RBFOX1: variants seen among roughly 807,000 people sequenced by gnomAD.
RBFOX1 encodes the protein RNA binding protein fox-1 homolog 1.
RBFOX1 carries 8 observed loss-of-function variants against 57.7 expected under a neutral mutation model. The ratio of observed to expected loss-of-function variants is 0.14; its 90% CI spans 0.08 to 0.25. The LOEUF is 0.25. Among genes scored for constraint, RBFOX1 ranks in the 10% least tolerant of loss-of-function variants. RBFOX1 has a pLI of 1.00. For synonymous variants in RBFOX1, 326 were observed against 222.4 expected (o/e 1.47, Z -4.15); for missense variants, 611 against 548.5 (o/e 1.11, Z -1.14).
intron 1 of RBFOX1, among the ~76,000 whole-genome samples, chr16:6,251,073 T>G (rs2152945460): frequency 6.6e-6 from 1 of 152,258 alleles, no homozygotes; most frequent in Admixed American, 6.5e-5. Context: ...CAGTACCACT[T>G]AATGAGAGCT....
chr16:7,314,782 C>A (rs935062452), intron 4 of RBFOX1, among the ~76,000 whole-genome samples: 9 of 152,278 alleles, frequency 5.9e-5, no homozygotes, highest in South Asian at 2.1e-4. Flanking sequence ...ACCATTTGTT[C>A]ACGATAAGTC....
chr16:6,414,924 T>A (rs1312955672), intron 2 of RBFOX1, among the ~76,000 whole-genome samples: 1 of 152,030 alleles, frequency 6.6e-6, no homozygotes, highest in Non-Finnish European at 1.5e-5. Flanking sequence ...GAGCAAAGAA[T>A]GAACCGGTCC....
chr16:6,755,139 A>T (rs918959948), intron 3 of RBFOX1, among the ~76,000 whole-genome samples: 1 of 152,072 alleles, frequency 6.6e-6, no homozygotes, highest in South Asian at 2.1e-4. Flanking sequence ...AGTCTTTGCT[A>T]TTGGGGATAG....
chr16:6,936,291 G>T (rs537065219), intron 3 of RBFOX1, among the ~76,000 whole-genome samples: 23 of 152,182 alleles, frequency 1.5e-4, no homozygotes, highest in Non-Finnish European at 3.2e-4. Flanking sequence ...TCCGTTTTAT[G>T]CCGTTAAGTT....
intron 3 of RBFOX1, among the ~76,000 whole-genome samples, chr16:6,894,788 C>A (rs1413991005): frequency 6.6e-6 from 1 of 152,122 alleles, no homozygotes; most frequent in Non-Finnish European, 1.5e-5. Context: ...GCCATTTTCC[C>A]TGTGTTTGTA....
chr16:6,923,432 C>T (rs1240232177), intron 3 of RBFOX1, among the ~76,000 whole-genome samples: 2 of 152,090 alleles, frequency 1.3e-5, no homozygotes, highest in Admixed American at 1.3e-4. Flanking sequence ...ACTTGGAAGG[C>T]TGAGGAAGGA....
chr16:6,910,242 A>G (rs576181644), intron 3 of RBFOX1, among the ~76,000 whole-genome samples: 3 of 152,198 alleles, frequency 2.0e-5, no homozygotes, highest in Admixed American at 6.5e-5. Flanking sequence ...ATTACTTCAC[A>G]TTTGCAGTTC....
intron 4 of RBFOX1, among the ~76,000 whole-genome samples, chr16:7,307,807 T>C (rs1423506570): frequency 6.6e-6 from 1 of 152,192 alleles, no homozygotes; most frequent in Non-Finnish European, 1.5e-5. Flanking sequence ...CACTTTCAGA[T>C]GGAACGGACA....
intron 1 of RBFOX1, among the ~76,000 whole-genome samples, chr16:6,247,355 C>T (rs905320976): frequency 2.0e-5 from 3 of 152,176 alleles, no homozygotes; most frequent in Non-Finnish European, 4.4e-5. Context: ...CAGACTTTGG[C>T]AGCTGGTCAC....
rs535818851 is a variant in RBFOX1 at position 7,498,540 on chromosome 16, A to G, written c.28-19607A>G. ...TTTATTCAAGCAGATATATCCCAAT[A>G]TATAACCAAGCATAATTTTATTTAC... is the stretch of plus-strand genomic sequence containing the variant. On this transcript the variant is annotated intron_variant, in intron 4 of 15. Transcript: ENST00000550418. Among the ~76,000 whole-genome samples, 198 of 152,360 alleles carry G rather than the reference A, an allele frequency of 1.3e-3. 1 individual carries two copies. The highest frequency in any genetic ancestry group is 2.2e-3 in the Non-Finnish European group (151 of 68,032).
intron 2 of RBFOX1, among the ~76,000 whole-genome samples, chr16:6,565,890 A>T (rs1483218858): frequency 6.6e-6 from 1 of 152,210 alleles, no homozygotes; most frequent in Non-Finnish European, 1.5e-5. Context: ...CATAACCCCC[A>T]ATATCCATGG....
At chr16:7,239,706 C>T (rs1045792823) in intron 4 of RBFOX1, among the ~76,000 whole-genome samples, 6 of 152,254 alleles carry the variant, frequency 3.9e-5, no homozygotes, top group African/African-American at 1.2e-4. Context: ...GGTCTTTGAT[C>T]TAGGCAGTTA....
At chr16:6,379,032 G>A (rs111408603) in intron 2 of RBFOX1, among the ~76,000 whole-genome samples, 7 of 152,228 alleles carry the variant, frequency 4.6e-5, no homozygotes, top group South Asian at 4.2e-4. Context: ...GAGGAGAATC[G>A]GTGTTGGGAT....
rs117998959 is a variant in RBFOX1 at position 6,812,328 on chromosome 16, C to A, written c.-16+157678C>A. Among the ~76,000 whole-genome samples, 176 of 152,238 alleles carry A rather than the reference C, an allele frequency of 1.2e-3. 4 individuals carry two copies. In the East Asian group the frequency reaches 0.027, roughly 24 times the overall value. On this transcript the variant is annotated intron_variant, in intron 3 of 15. Transcript: ENST00000550418. ...CTAACAGAACCTTAGAAAGGAAACACAATGCAAAGTGCCAATTAGCACTGC... is the reference window on the plus strand; with the variant it reads ...CTAACAGAACCTTAGAAAGGAAACAAAATGCAAAGTGCCAATTAGCACTGC...
At chr16:6,780,685 T>G (rs2080865696) in intron 3 of RBFOX1, among the ~76,000 whole-genome samples, 1 of 150,166 alleles carries the variant, frequency 6.7e-6, no homozygotes, top group Admixed American at 6.8e-5. Context: ...TTCAGAGAGC[T>G]ATTTTAACTG....
At chr16:6,686,747 C>T (rs1174040205) in intron 3 of RBFOX1, among the ~76,000 whole-genome samples, 4 of 152,150 alleles carry the variant, frequency 2.6e-5, no homozygotes. Flanking sequence ...ATAACTCTTT[C>T]CTTTTCTCCC....
At chr16:6,076,603 T>C (rs1359237482) in intron 1 of RBFOX1, among the ~76,000 whole-genome samples, 1 of 151,820 alleles carries the variant, frequency 6.6e-6, no homozygotes, top group Non-Finnish European at 1.5e-5. Context: ...AGTCTTGCCT[T>C]TTAAGAGCCT....
In RBFOX1 at chr16:5,618,168, T is replaced by C. The variant is rs569768347; in HGVS notation, c.318+19207T>C. 5.3e-5 allele frequency among the ~76,000 whole-genome samples: 8 copies of C among 152,318 alleles called. No homozygotes were observed. The South Asian group carries it at 1.5e-3, about 28-fold the overall frequency. On this transcript the variant is annotated intron_variant, in intron 3 of 19. Transcript: ENST00000641259. The stretch of plus-strand genomic sequence containing the variant: ...CCCGTCCACCAACAGCTCTCCCTAC[T>C]CTGTCGTCTCTTTCCTTTGGTAAAT...
chr16:5,867,079 A>C (rs148455328), intron 3 of RBFOX1, among the ~76,000 whole-genome samples: 148 of 152,204 alleles, frequency 9.7e-4, no homozygotes, highest in African/African-American at 3.5e-3. Flanking sequence ...GAAAATACTA[A>C]TTATCCTATT....
Sources: allele counts gnomAD v4.1 joint callset (sites outside exome capture counted in the v4.1 genomes callset), GRCh38; gene constraint gnomAD v4.1.1; transcripts MANE v1.5; gene names NCBI Gene and HGNC (gene_info 2026-07-23, HGNC 2026-07-21).